DHX32: variants seen among roughly 807,000 people sequenced by gnomAD.
DHX32 encodes the protein DEAH-box helicase 32 (putative).
Under a neutral mutation model 70.0 loss-of-function variants are expected in DHX32, and 51 were observed. That is an observed-to-expected ratio of 0.73 (90% CI 0.58 to 0.92). The LOEUF is 0.92. DHX32 is among the 40% of genes least tolerant of loss of function. DHX32 has a pLI of 0.00. For missense variants in DHX32, 762 were observed against 891.8 expected (o/e 0.85, Z 1.85); for synonymous variants, 310 against 315.3 (o/e 0.98, Z 0.18).
chr10:125,837,531 G>A (rs1854732727), intron 10 of DHX32, among the ~76,000 whole-genome samples: 2 of 152,238 alleles, frequency 1.3e-5, no homozygotes, highest in African/African-American at 4.8e-5. Context: ...GGGCTCAAGC[G>A]ATCCTCTGTC....
At chr10:125,862,878 T>C (rs189120544) in intron 2 of DHX32, among the ~76,000 whole-genome samples, 5 of 151,962 alleles carry the variant, frequency 3.3e-5, no homozygotes, top group East Asian at 3.9e-4. Flanking sequence ...AAAAAAAAAC[T>C]ACTTTTTTTC....
intron 6 of DHX32, among the ~76,000 whole-genome samples, chr10:125,851,036 C>A (rs944542802): frequency 1.3e-5 from 2 of 152,186 alleles, no homozygotes; most frequent in Non-Finnish European, 2.9e-5. Context: ...AAGAAAAATA[C>A]AACTGATTTT....
rs1479722406 is a variant in DHX32, at chr10:125,859,803, A to T, written c.649T>A (p.Ser217Thr). 3.7e-6 allele frequency: 6 copies of T among 1,613,932 alleles called. No homozygotes were observed. The highest frequency in any genetic ancestry group is 5.1e-6 in the Non-Finnish European group (6 of 1,180,000). Residue 217 changes from serine to threonine, a missense_variant, in exon 3 of 11, where the codon TCC (serine) becomes ACC (threonine). This residue lies in a region of DHX32 where 394 missense variants were observed against 473.1 expected (regional missense o/e 0.83). Coordinates refer to ENST00000284690, the MANE Select transcript of DHX32 (RefSeq NM_018180.3). Reference sequence around the variant, plus strand: ...AGTTTGCTGATCAGGTGAGGTGAGGAGTTAATTATGAGCTTCAGTTCTGGT... The same window carrying T: ...AGTTTGCTGATCAGGTGAGGTGAGGTGTTAATTATGAGCTTCAGTTCTGGT... The part of the protein sequence containing the change: ...ARPELKLIIN[S>T]SPHLISKLNS...
intron 6 of DHX32, among the ~76,000 whole-genome samples, chr10:125,849,515 A>G (rs2134039903): frequency 6.6e-6 from 1 of 152,322 alleles, no homozygotes; most frequent in African/African-American, 2.4e-5. Context: ...ACTTTTGTGT[A>G]GCCTTTAAAC....
chr10:125,859,032 TGTTTGTTTGTTTG>T (rs369727578), intron 3 of DHX32, among the ~76,000 whole-genome samples: 4 of 143,696 alleles, frequency 2.8e-5, no homozygotes, highest in Non-Finnish European at 6.0e-5. Flanking sequence ...TTTTTTTTTT[TGTTTGTTTGTTTG>T]TTTTTTTTTT....
intron 2 of DHX32, among the ~76,000 whole-genome samples, chr10:125,865,361 CA>C (rs1944214474): frequency 6.6e-6 from 1 of 152,156 alleles, no homozygotes; most frequent in South Asian, 2.1e-4. Context: ...GACTCAGGGA[CA>C]TAATTGTTAT....
upstream of DHX32, chr10:125,881,366 AG>A (rs1944316303): frequency 6.5e-6 from 1 of 152,698 alleles, no homozygotes; most frequent in Non-Finnish European, 1.5e-5. Flanking sequence ...GGAAAGCAAC[AG>A]GAGGGACAGG....
intron 1 of DHX32, 138 bp from the exon 2 acceptor site, chr10:125,867,321 T>G (rs1170773188): frequency 1.5e-6 from 1 of 678,266 alleles, no homozygotes; most frequent in Non-Finnish European, 2.5e-6. Flanking sequence ...TACATCTTAC[T>G]TAGTGAAACT....
chr10:125,837,015 T>C (rs1465632924), intron 10 of DHX32, among the ~76,000 whole-genome samples, 160 bp from the exon 11 acceptor site: 4 of 152,228 alleles, frequency 2.6e-5, no homozygotes, highest in Non-Finnish European at 5.9e-5. Flanking sequence ...GTAAAATAAA[T>C]ACTTTCTGTT....
intron 1 of DHX32, among the ~76,000 whole-genome samples, chr10:125,876,028 T>C (rs1241177030): frequency 6.6e-6 from 1 of 152,202 alleles, no homozygotes; most frequent in East Asian, 1.9e-4. Flanking sequence ...AACCTAAGAT[T>C]GGCCTTCTGA....
In DHX32 at chr10:125,880,780, T is replaced by G; in HGVS notation, c.45A>C (p.Lys15Asn). 1 of 1,614,108 alleles carries G rather than the reference T, an allele frequency of 6.2e-7. No individual in the cohort carries two copies. Among genetic ancestry groups the G allele is most frequent in the Non-Finnish European group, 8.5e-7 (1 of 1,180,014 alleles). The change falls in exon 1 of 11, where the codon AAA (lysine) becomes AAC (asparagine). Residue 15 changes from lysine (K) to asparagine (N), a missense_variant. Coordinates refer to ENST00000284690, the MANE Select transcript of DHX32 (RefSeq NM_018180.3). ...AATCCAGGGATTCAGGAAAATAGCGTTTTTCAGAGGAAGAGTTTGGACACT... is the reference window on the plus strand; with the variant it reads ...AATCCAGGGATTCAGGAAAATAGCGGTTTTCAGAGGAAGAGTTTGGACACT... ...GLECPNSSSE[K>N]RYFPESLDSS...
chr10:125,854,171 T>C lies in DHX32; in HGVS notation c.882A>G (p.Gln294=). 1 of 1,612,144 alleles carries C rather than the reference T, an allele frequency of 6.2e-7. No individual in the cohort carries two copies. Among genetic ancestry groups the C allele is most frequent in the Non-Finnish European group, 8.5e-7 (1 of 1,179,552 alleles). ...CAAGATCTGGGTTTAGGTTAGATCC[T>C]TGATAGACAGTTTCACAGACTTTCT... The part of the protein sequence containing the change: ...DIEKVCETVY[Q]GSNLNPDLGE... The change falls in exon 4 of 11, where the codon CAA becomes CAG. Residue 294 remains glutamine, a synonymous_variant. Coordinates refer to ENST00000284690, the MANE Select transcript of DHX32 (RefSeq NM_018180.3).
At chr10:125,850,483 A>G (rs1944076728) in intron 6 of DHX32, among the ~76,000 whole-genome samples, 1 of 149,174 alleles carries the variant, frequency 6.7e-6, no homozygotes, top group Non-Finnish European at 1.5e-5. Context: ...TCAGCCTCCC[A>G]AGTAGCTGGG....
At chr10:125,862,028 C>A (rs1489899845) in intron 2 of DHX32, among the ~76,000 whole-genome samples, 1 of 152,084 alleles carries the variant, frequency 6.6e-6, no homozygotes, top group Admixed American at 6.5e-5. Context: ...CAGAATAAAT[C>A]TTCAAAGTAG....
chr10:125,873,008 C>T (rs540411700), intron 1 of DHX32, among the ~76,000 whole-genome samples: 1 of 152,336 alleles, frequency 6.6e-6, no homozygotes, highest in East Asian at 1.9e-4. Context: ...CAACTCCGGG[C>T]AGCACACAGA....
intron 1 of DHX32, among the ~76,000 whole-genome samples, chr10:125,879,427 G>A (rs1944304653): frequency 6.6e-6 from 1 of 152,142 alleles, no homozygotes. Context: ...AAAGTCCAAT[G>A]TAAACAGTAA....
intron 1 of DHX32, among the ~76,000 whole-genome samples, chr10:125,873,893 A>G (rs1222739484): frequency 6.6e-6 from 1 of 152,226 alleles, no homozygotes. Context: ...CAGATGTTCT[A>G]AGTCATACAT....
At chr10:125,884,681 C>T (rs72830601), upstream of DHX32, among the ~76,000 whole-genome samples, 1 of 152,282 alleles carries the variant, frequency 6.6e-6, no homozygotes, top group Non-Finnish European at 1.5e-5. Context: ...TCTAGAAATA[C>T]AGTTCACAGA....
intron 1 of DHX32, among the ~76,000 whole-genome samples, chr10:125,875,345 G>A (rs559149728): frequency 7.2e-5 from 11 of 152,224 alleles, no homozygotes; most frequent in African/African-American, 1.4e-4. Context: ...TTTCTACACC[G>A]GCATGCGGAA....
Sources: gnomAD v4.1 joint callset for allele counts (sites outside exome capture counted in the v4.1 genomes callset) on GRCh38, gnomAD v4.1.1 for gene constraint, gnomAD v4.1.1 regional missense constraint, MANE v1.5 for transcripts, NCBI Gene and HGNC (gene_info 2026-07-23, HGNC 2026-07-21) for gene names.